METTL24: variants seen among roughly 807,000 people sequenced by gnomAD.
The protein encoded by METTL24 is methyltransferase like 24, also known as probable methyltransferase-like protein 24.
A neutral mutation model predicts 32.7 loss-of-function variants in METTL24; 29 were observed. That is an observed-to-expected ratio of 0.89 (90% CI 0.66 to 1.21). METTL24 has a LOEUF of 1.21. Among genes scored for constraint, METTL24 ranks in the 50% most tolerant of loss-of-function variants. METTL24 has a pLI of 0.00. For missense variants in METTL24, 439 were observed against 468.1 expected, an observed-to-expected ratio of 0.94 and a Z score of 0.57; for synonymous variants, 163 against 179.5, an observed-to-expected ratio of 0.91 and a Z score of 0.73.
intron 1 of METTL24, among the ~76,000 whole-genome samples, chr6:110,343,232 G>A (rs1772397174): frequency 6.6e-6 from 1 of 152,172 alleles, no homozygotes; most frequent in South Asian, 2.1e-4. Flanking sequence ...AAGGGGTTCT[G>A]CATGAAGCAA....
chr6:110,291,715 C>T (rs1771324124), intron 4 of METTL24, among the ~76,000 whole-genome samples: 2 of 152,170 alleles, frequency 1.3e-5, no homozygotes, highest in African/African-American at 2.4e-5. Context: ...CTCTGATAGG[C>T]CCCACTGTCT....
chr6:110,311,694 G>A lies in METTL24; in HGVS notation c.557+3648C>T, dbSNP rs998713428. Among the ~76,000 whole-genome samples, 13 of 152,002 alleles carry A rather than the reference G, an allele frequency of 8.6e-5. No individual in the cohort carries two copies. In the South Asian group the frequency reaches 1.0e-3, roughly 12 times the overall value. ...TCACCATGTTGGCCAGGCTTGTCTC[G>A]AACTCCTGACCTCAAGTGATCTGCC... On this transcript the variant is annotated intron_variant, in intron 3 of 4. Transcript: ENST00000338882.
chr6:110,333,295 A>G (rs1772142500), intron 1 of METTL24, among the ~76,000 whole-genome samples: 1 of 152,100 alleles, frequency 6.6e-6, no homozygotes, highest in African/African-American at 2.4e-5. Context: ...ACCAAAGGGA[A>G]ATGGGGGTTG....
At chr6:110,318,651 C>CAAAAAAAAA (rs56890760) in intron 2 of METTL24, among the ~76,000 whole-genome samples, 1 of 90,564 alleles carries the variant, frequency 1.1e-5, no homozygotes, top group Non-Finnish European at 2.4e-5. Flanking sequence ...GACTCTACCT[C>CAAAAAAAAA]AAAAAAAAAA....
At chr6:110,313,260 A>G (rs1771758180) in intron 3 of METTL24, among the ~76,000 whole-genome samples, 1 of 152,206 alleles carries the variant, frequency 6.6e-6, no homozygotes, top group Non-Finnish European at 1.5e-5. Context: ...GACATGATCA[A>G]TGCTGGAGGT....
chr6:110,331,362 T>G (rs931572503), intron 1 of METTL24, among the ~76,000 whole-genome samples: 1 of 119,944 alleles, frequency 8.3e-6, no homozygotes, highest in Non-Finnish European at 1.6e-5. Context: ...AAAAAAAAAA[T>G]TAAAGAAATA....
chr6:110,303,788 A>T (rs1054924507), intron 3 of METTL24, among the ~76,000 whole-genome samples: 14 of 152,220 alleles, frequency 9.2e-5, no homozygotes, highest in African/African-American at 3.4e-4. Flanking sequence ...ACAGCAGTGG[A>T]TCTCCCAGTA....
At chr6:110,300,422 CT>C (rs56017770) in intron 3 of METTL24, among the ~76,000 whole-genome samples, 2,136 of 133,030 alleles carry the variant, frequency 0.016, 13 homozygotes, top group South Asian at 0.03. Flanking sequence ...CCGAGACATG[CT>C]TTTTTTTTTT....
At chr6:110,282,375 T>TTAA (rs1771151140) in intron 4 of METTL24, among the ~76,000 whole-genome samples, 1 of 152,158 alleles carries the variant, frequency 6.6e-6, no homozygotes, top group Non-Finnish European at 1.5e-5. Context: ...CAATAACTAC[T>TTAA]TAATAAATAG....
chr6:110,324,422 T>C (rs955830242), intron 1 of METTL24, among the ~76,000 whole-genome samples: 2 of 152,192 alleles, frequency 1.3e-5, no homozygotes, highest in Non-Finnish European at 2.9e-5. Flanking sequence ...ACCTGTGCAG[T>C]CTTAGGAGGC....
intron 4 of METTL24, among the ~76,000 whole-genome samples, chr6:110,295,983 A>G (rs1482918254): frequency 1.3e-5 from 2 of 152,074 alleles, no homozygotes; most frequent in African/African-American, 4.8e-5. Flanking sequence ...AAAACCCACA[A>G]TTTAGAAAGT....
rs879670047 is a variant in METTL24 at position 110,264,106 on chromosome 6, C to A, written c.787-17846G>T. Among the ~76,000 whole-genome samples, 1,497 of 151,298 alleles carry A rather than the reference C, an allele frequency of 9.9e-3. 10 individuals are homozygous for A. Among genetic ancestry groups the A allele is most frequent in the Middle Eastern group, 0.017 (5 of 294 alleles). ...ACACCAAAAGCAATGGCAACAAAAG[C>A]CAAAATTGACAAATGGGATCTAATT... On this transcript the variant is annotated intron_variant, in intron 4 of 4. Transcript: ENST00000338882.
intron 1 of METTL24, among the ~76,000 whole-genome samples, chr6:110,332,207 C>T (rs913245741): frequency 3.3e-5 from 5 of 152,178 alleles, no homozygotes; most frequent in African/African-American, 1.2e-4. Context: ...GGAATAAACA[C>T]TCAACTCTGG....
intron 3 of METTL24, among the ~76,000 whole-genome samples, chr6:110,300,422 C>CTTTTTTT (rs56017770): frequency 7.5e-6 from 1 of 133,266 alleles, no homozygotes; most frequent in African/African-American, 2.9e-5. Flanking sequence ...CCGAGACATG[C>CTTTTTTT]TTTTTTTTTT....
intron 1 of METTL24, among the ~76,000 whole-genome samples, chr6:110,330,387 A>C (rs900037861): frequency 6.6e-5 from 10 of 152,200 alleles, no homozygotes; most frequent in African/African-American, 2.2e-4. Context: ...TGTGAAGCAG[A>C]GCGTAGGCAA....
In METTL24 at chr6:110,246,257, C is replaced by G. The variant is rs370792668; in HGVS notation, c.790G>C (p.Asp264His). 1 of 1,598,260 alleles carries G rather than the reference C, an allele frequency of 6.3e-7. No individual in the cohort carries two copies. The highest frequency in any genetic ancestry group is 8.5e-7 in the Non-Finnish European group (1 of 1,171,592). Residue 264 changes from aspartate to histidine, a missense_variant, in exon 5 of 5, where the codon GAC (aspartate) becomes CAC (histidine). Physicochemically the swap from Asp to His is moderately conservative, Grantham distance 81. Coordinates refer to ENST00000338882, the MANE Select transcript of METTL24 (RefSeq NM_001123364.3). ...ILNEFGHHKI[D>H]VLKADLESAE... ...CTTTCCAGATCTGCCTTGAGAACGT[C>G]AATCTGTAACAAAGCAATGAAATGA...
chr6:110,251,661 T>C (rs899182343), intron 4 of METTL24, among the ~76,000 whole-genome samples: 3 of 152,138 alleles, frequency 2.0e-5, no homozygotes, highest in Admixed American at 1.3e-4. Context: ...GGTTGGCAGG[T>C]TTGGTGACTG....
chr6:110,247,049 CA>C (rs1442379927), intron 4 of METTL24, among the ~76,000 whole-genome samples: 1 of 151,828 alleles, frequency 6.6e-6, no homozygotes, highest in Admixed American at 6.6e-5. Flanking sequence ...ATTGTAATAT[CA>C]ATATTTTGCA....
At chr6:110,323,052 G>A (rs896898015) in intron 1 of METTL24, among the ~76,000 whole-genome samples, 180 bp from the exon 2 acceptor site, 1 of 152,180 alleles carries the variant, frequency 6.6e-6, no homozygotes, top group Non-Finnish European at 1.5e-5. Flanking sequence ...CAGTCGCAGG[G>A]AGACAAATGA....
Sources: gnomAD v4.1 joint callset for allele counts (sites outside exome capture counted in the v4.1 genomes callset) on GRCh38, gnomAD v4.1.1 for gene constraint, MANE v1.5 for transcripts, NCBI Gene and HGNC (gene_info 2026-07-23, HGNC 2026-07-21) for gene names.